NAV3: variants seen among roughly 807,000 people sequenced by gnomAD.
The protein encoded by NAV3 is neuron navigator 3.
Under a neutral mutation model 244.7 loss-of-function variants are expected in NAV3, and 87 were observed. That is an observed-to-expected ratio of 0.36 (90% CI 0.30 to 0.42). The LOEUF is 0.42. Ranked by LOEUF, NAV3 falls within the 20% of genes least tolerant of loss-of-function variation. The probability of loss-of-function intolerance (pLI) is 1.00; values close to 1 mark genes in which losing one functional copy is unlikely to be tolerated. For missense variants in NAV3, 2,663 were observed against 2,893.3 expected (o/e 0.92, Z 1.83); for synonymous variants, 1,126 against 1,042.2 (o/e 1.08, Z -1.55).
At position 78,006,997 on chromosome 12, in the gene NAV3, G is replaced by A. The variant is rs2136580937; in HGVS notation, c.1459G>A (p.Glu487Lys). 1 of 1,614,124 alleles carries A rather than the reference G, an allele frequency of 6.2e-7. No homozygotes were observed. The highest frequency in any genetic ancestry group is 8.5e-7 in the Non-Finnish European group (1 of 1,180,036). Residue 487 changes from glutamate to lysine, a missense_variant, in exon 8 of 40, where the codon GAG becomes AAG. Transcript: ENST00000397909. ...TTGCACTGAAAAACCAGTCAAAGAA[G>A]AGAAGGATCAGGTGACAGAGATGGC... is the stretch of plus-strand genomic sequence containing the variant. ...KVCTEKPVKE[E>K]KDQVTEMAPK...
At chr12:78,076,414 G>A (rs991595511) in intron 12 of NAV3, among the ~76,000 whole-genome samples, 1 of 152,084 alleles carries the variant, frequency 6.6e-6, no homozygotes, top group Admixed American at 6.6e-5. Flanking sequence ...TTATATTGAG[G>A]ACTCTGTGTC....
At chr12:77,593,614 A>C (rs903565197) in intron 2 of NAV3, among the ~76,000 whole-genome samples, 3 of 134,464 alleles carry the variant, frequency 2.2e-5, no homozygotes, top group South Asian at 2.7e-4. Flanking sequence ...CATGCCCAGC[A>C]CCTGTAATCC....
chr12:77,874,603 G>A (rs1881571679), intron 1 of NAV3, among the ~76,000 whole-genome samples: 1 of 151,032 alleles, frequency 6.6e-6, no homozygotes, highest in Non-Finnish European at 1.5e-5. Context: ...ACAATTTCTT[G>A]TGGTTAGTAA....
chr12:78,199,903 C>T (rs1029108485), intron 37 of NAV3, among the ~76,000 whole-genome samples: 2 of 152,078 alleles, frequency 1.3e-5, no homozygotes, highest in African/African-American at 4.8e-5. Flanking sequence ...TTACAGATAA[C>T]TTAAACGCTT....
chr12:77,892,978 G>A (rs945039883), intron 1 of NAV3, among the ~76,000 whole-genome samples: 8 of 152,036 alleles, frequency 5.3e-5, no homozygotes, highest in African/African-American at 1.2e-4. Context: ...TATAAATTAC[G>A]AGTTTCATGA....
chr12:77,641,652 C>G (rs1048591937), intron 2 of NAV3, among the ~76,000 whole-genome samples: 7 of 151,940 alleles, frequency 4.6e-5, no homozygotes, highest in African/African-American at 2.4e-5. Flanking sequence ...CTAATTTTTC[C>G]TGGCTTCTAT....
intron 1 of NAV3, among the ~76,000 whole-genome samples, chr12:77,923,020 T>C (rs1370729930): frequency 1.3e-5 from 2 of 152,068 alleles, no homozygotes; most frequent in African/African-American, 4.8e-5. Context: ...ACTCTACAAG[T>C]ATCACGATTT....
At chr12:77,940,975 T>G in intron 2 of NAV3, 106 bp from the exon 3 acceptor site, 2 of 736,774 alleles carry the variant, frequency 2.7e-6, no homozygotes, top group Non-Finnish European at 4.6e-6. Flanking sequence ...AGCAGGAGCA[T>G]TTTTGCTTGG....
At chr12:77,736,074 T>A (rs1324117700) in intron 2 of NAV3, among the ~76,000 whole-genome samples, 1 of 152,210 alleles carries the variant, frequency 6.6e-6, no homozygotes, top group Admixed American at 6.5e-5. Context: ...TGTAAAAATA[T>A]CTGTAATTGT....
At chr12:77,928,933 G>A (rs1888501425) in intron 1 of NAV3, among the ~76,000 whole-genome samples, 1 of 152,160 alleles carries the variant, frequency 6.6e-6, no homozygotes. Context: ...GTGTCACTGG[G>A]ATGGGTAGGG....
At chr12:77,844,960 C>T (rs562644412) in intron 1 of NAV3, among the ~76,000 whole-genome samples, 5 of 152,204 alleles carry the variant, frequency 3.3e-5, no homozygotes, top group East Asian at 3.9e-4. Flanking sequence ...GAAATAAAAG[C>T]GTACTGTTAT....
At chr12:78,061,280 A>C (rs1266224936) in intron 12 of NAV3, among the ~76,000 whole-genome samples, 1 of 152,194 alleles carries the variant, frequency 6.6e-6, no homozygotes, top group Non-Finnish European at 1.5e-5. Flanking sequence ...GCCTAGCATA[A>C]ATATTTCAAC....
intron 1 of NAV3, among the ~76,000 whole-genome samples, chr12:77,900,318 T>C (rs1284061462): frequency 6.6e-6 from 1 of 152,080 alleles, no homozygotes; most frequent in Non-Finnish European, 1.5e-5. Context: ...CCTCATGATC[T>C]GCCCGCCTTG....
chr12:77,724,183 A>G (rs1242627585), intron 2 of NAV3, among the ~76,000 whole-genome samples: 27 of 151,994 alleles, frequency 1.8e-4, no homozygotes. Context: ...ACAAATTTCT[A>G]TAAAAATTGC....
chr12:77,744,217 G>A (rs1171025828), intron 2 of NAV3, among the ~76,000 whole-genome samples: 1 of 151,932 alleles, frequency 6.6e-6, no homozygotes, highest in Admixed American at 6.6e-5. Context: ...TGAAAGGATA[G>A]ATATGTAGAT....
chr12:77,916,584 C>G (rs1887171094), intron 1 of NAV3, among the ~76,000 whole-genome samples: 1 of 151,984 alleles, frequency 6.6e-6, no homozygotes, highest in Admixed American at 6.6e-5. Context: ...TAACTAATGT[C>G]TTCTTTTTTT....
At chr12:77,773,301 GC>G (rs1439938082) in intron 2 of NAV3, among the ~76,000 whole-genome samples, 1 of 151,718 alleles carries the variant, frequency 6.6e-6, no homozygotes, top group African/African-American at 2.4e-5. Context: ...GTAGACAAAA[GC>G]AAAAGGGCTA....
rs1171503058 is a variant in NAV3, at chr12:78,202,188, A to G, written c.6834+1597A>G. On this transcript the variant is annotated intron_variant, in intron 38 of 39. Transcript: ENST00000397909. ...GTTTCAGAATTCTTAGAAAACTACT[A>G]TAGGATATACATTGGATCTTTCAAT... 2.0e-5 allele frequency among the ~76,000 whole-genome samples: 3 copies of G among 152,080 alleles called. No individual in the cohort carries two copies. The East Asian group carries it at 5.8e-4, about 29-fold the overall frequency.
intron 1 of NAV3, among the ~76,000 whole-genome samples, chr12:77,888,345 C>A (rs1883537676): frequency 6.6e-6 from 1 of 152,066 alleles, no homozygotes; most frequent in Non-Finnish European, 1.5e-5. Context: ...GACATAGTAG[C>A]ATGTGACTAT....
Sources: allele counts gnomAD v4.1 joint callset (sites outside exome capture counted in the v4.1 genomes callset), GRCh38; gene constraint gnomAD v4.1.1; transcripts MANE v1.5; gene names NCBI Gene and HGNC (gene_info 2026-07-23, HGNC 2026-07-21).